The following ARHGAP9 variants were observed in gnomAD, a reference collection of about 807,000 sequenced individuals.
ARHGAP9 encodes Rho GTPase activating protein 9.
Under a neutral mutation model 87.3 loss-of-function variants are expected in ARHGAP9, and 76 were observed. The ratio of observed to expected loss-of-function variants is 0.87; its 90% CI spans 0.72 to 1.05. ARHGAP9 has a LOEUF of 1.05. Ranked by LOEUF, ARHGAP9 falls within the 50% of genes least tolerant of loss-of-function variation. ARHGAP9 has a pLI of 0.00. For missense variants in ARHGAP9, 941 were observed against 960.5 expected, an observed-to-expected ratio of 0.98 and a Z score of 0.27; for synonymous variants, 382 against 394.9, an observed-to-expected ratio of 0.97 and a Z score of 0.39.
Position 57,474,655 on chromosome 12 carries a change from A to G in ARHGAP9, c.1700T>C (p.Val567Ala). The G allele has an allele frequency of 6.2e-7, 1 of 1,614,146 alleles. No individual in the cohort carries two copies. Among genetic ancestry groups the G allele is most frequent in the South Asian group, 1.1e-5 (1 of 91,084 alleles). The change falls in exon 14 of 18, where the codon GTC becomes GCC. Residue 567 changes from valine (V) to alanine (A), a missense_variant. Transcript: ENST00000393791. ...GTCCACCAGAAAGCGAAGCTTCTGG[A>G]CCACTGCCAAGTTCCCGCTCACCCG... Reference protein sequence around the residue: ...IYRVSGNLAVVQKLRFLVDRE... With the variant: ...IYRVSGNLAVAQKLRFLVDRE...
chr12:57,488,784 T>A, exon 1 of ARHGAP9: 1 of 891,602 alleles, frequency 1.1e-6, no homozygotes. Flanking sequence ...TACCACCACC[T>A]CCTCTGCAGT....
At chr12:57,481,216 C>G (rs1349085186), upstream of ARHGAP9, among the ~76,000 whole-genome samples, 1 of 152,050 alleles carries the variant, frequency 6.6e-6, no homozygotes, top group African/African-American at 2.4e-5. Flanking sequence ...ACTGGGCTTT[C>G]CAGGTACCAC....
chr12:57,477,406 A>G, intron 4 of ARHGAP9, 53 bp downstream of exon 4: 1 of 1,586,986 alleles, frequency 6.3e-7, no homozygotes. Flanking sequence ...GAGGTTCATC[A>G]GGGGAAGGAA....
chr12:57,488,463 G>T (rs1875637329), intron 1 of ARHGAP9: 1 of 1,134,548 alleles, frequency 8.8e-7, no homozygotes, highest in Non-Finnish European at 1.3e-6. Context: ...CCAGTAAACT[G>T]CTCTTCCCTT....
chr12:57,487,850 C>CA (rs10715375), intron 1 of ARHGAP9: 10,491 of 176,120 alleles, frequency 0.06, 51 homozygotes, highest in African/African-American at 0.074. Flanking sequence ...CGCCCTCTCA[C>CA]AAAAAAAAAA....
chr12:57,478,457 T>A, intron 3 of ARHGAP9, 83 bp downstream of exon 3: 1 of 1,350,616 alleles, frequency 7.4e-7, no homozygotes, highest in South Asian at 1.2e-5. Flanking sequence ...GTGTTTGTCA[T>A]CCCCAGGGGA....
Position 57,479,161 on chromosome 12 carries a change from A to T in ARHGAP9, c.246T>A (p.Tyr82Ter), listed in dbSNP as rs201040339. The T allele has an allele frequency of 6.2e-7, 1 of 1,614,222 alleles. No individual in the cohort carries two copies. Among genetic ancestry groups the T allele is most frequent in the African/African-American group, 1.3e-5 (1 of 75,058 alleles). Residue 82 changes from tyrosine (Y) to a stop codon, truncating the protein, a stop_gained, in exon 2 of 18, where the codon TAT becomes TAA. Transcript: ENST00000393791. LOFTEE classifies it high-confidence loss of function. Reference protein sequence around the residue: ...TSRPIFVPAAYMIEESIPSQS... With the variant: ...TSRPIFVPAA ...GGGAAGGGATGGATTCCTCTATCAT[A>T]TAGGCTGCTGGGACGAAGATGGGTC...
chr12:57,478,967 A>T, intron 2 of ARHGAP9, 124 bp downstream of exon 2: 1 of 1,321,574 alleles, frequency 7.6e-7, no homozygotes, highest in Non-Finnish European at 1.0e-6. Context: ...TCAAAGAAAA[A>T]CAAGAGAAGA....
chr12:57,474,530 C>T (rs951282317), intron 14 of ARHGAP9, 54 bp from the exon 15 acceptor site: 60 of 1,613,244 alleles, frequency 3.7e-5, no homozygotes, highest in African/African-American at 2.8e-4. Flanking sequence ...TCCAGCCTGA[C>T]GGCCTCTCTA....
intron 17 of ARHGAP9, among the ~76,000 whole-genome samples, chr12:57,472,942 G>C (rs569935462): frequency 4.3e-4 from 66 of 152,306 alleles, no homozygotes; most frequent in Non-Finnish European, 8.1e-4. Flanking sequence ...CACAGTTTGG[G>C]AGTCTTTAAT....
intron 15 of ARHGAP9, 82 bp downstream of exon 15, chr12:57,474,341 G>A (rs926412804): frequency 5.0e-6 from 8 of 1,591,516 alleles, no homozygotes; most frequent in African/African-American, 4.0e-5. Context: ...ACCCTCCCAG[G>A]AATAGTACAT....
At chr12:57,488,470 C>G in intron 1 of ARHGAP9, 1 of 1,224,210 alleles carries the variant, frequency 8.2e-7, no homozygotes, top group Non-Finnish European at 1.2e-6. Flanking sequence ...ACTGCTCTTC[C>G]CTTCCCAACC....
chr12:57,477,461 T>C lies in ARHGAP9; in HGVS notation c.754A>G (p.Thr252Ala). 1 of 1,613,958 alleles carries C rather than the reference T, an allele frequency of 6.2e-7. No individual in the cohort carries two copies. Among genetic ancestry groups the C allele is most frequent in the East Asian group, 2.2e-5 (1 of 44,874 alleles). The change falls in exon 4 of 18, where the codon ACG (threonine) becomes GCG (alanine). Residue 252 changes from threonine (T) to alanine (A), a missense_variant and splice_region_variant. Physicochemically the swap from Thr to Ala is moderately conservative, Grantham distance 58. Coordinates refer to ENST00000393791, the MANE Select transcript of ARHGAP9 (RefSeq NM_032496.4). ...WKPPRRSRSETNPGSMEGTQT... is the reference protein window; with the variant it reads ...WKPPRRSRSEANPGSMEGTQT... ...AGAAGCAGGAGGTAAGGTCTCACCG[T>C]CTCGCTGCGACTGCGGCGCGGGGGC...
intron 3 of ARHGAP9, 55 bp downstream of exon 3, chr12:57,478,485 G>T: frequency 1.3e-6 from 2 of 1,537,438 alleles, no homozygotes; most frequent in Non-Finnish European, 1.8e-6. Flanking sequence ...GAAGACAGAG[G>T]TGCTGTCTGT....
At chr12:57,478,449 G>T in intron 3 of ARHGAP9, 91 bp downstream of exon 3, 3 of 1,278,012 alleles carry the variant, frequency 2.3e-6, no homozygotes, top group Admixed American at 2.0e-5. Flanking sequence ...TTGTTTTTGT[G>T]TTTGTCATCC....
chr12:57,484,898 G>C (rs1018088452), intron 1 of ARHGAP9, among the ~76,000 whole-genome samples: 3 of 151,756 alleles, frequency 2.0e-5, no homozygotes, highest in African/African-American at 7.3e-5. Context: ...CGCCTGCCTC[G>C]GCCTCCCAAA....
At chr12:57,487,677 C>T (rs530088375) in intron 1 of ARHGAP9, 27 of 179,000 alleles carry the variant, frequency 1.5e-4, no homozygotes, top group Admixed American at 3.6e-4. Context: ...GGTCAAAGCC[C>T]GCCTCTACTA....
At position 57,474,978 on chromosome 12, in the gene ARHGAP9, G is replaced by C. The variant is rs957390073; in HGVS notation, c.1553-5C>G. On this transcript the variant is annotated splice_region_variant and splice_polypyrimidine_tract_variant and intron_variant, in intron 12 of 17. Transcript: ENST00000393791. ...ACTGGCAGCCGAACACCTGGTCTGG[G>C]GAAGTAGAGTGAGGCGGGAAGCCAG... is the stretch of plus-strand genomic sequence containing the variant. 6.2e-7 allele frequency: 1 copy of C among 1,613,462 alleles called. No homozygotes were observed. Among genetic ancestry groups the C allele is most frequent in the African/African-American group, 1.3e-5 (1 of 74,928 alleles).
chr12:57,478,554 C>G lies in ARHGAP9; in HGVS notation c.520G>C (p.Ala174Pro). The G allele has an allele frequency of 6.2e-7, 1 of 1,614,088 alleles. No homozygotes were observed. The highest frequency in any genetic ancestry group is 8.5e-7 in the Non-Finnish European group (1 of 1,180,000). The change falls in exon 3 of 18, where the codon GCC (alanine) becomes CCC (proline). Residue 174 changes from alanine to proline, a missense_variant. Ala to Pro is a conservative substitution (Grantham distance 27, BLOSUM62 -1). Transcript: ENST00000393791. Reference sequence around the variant, plus strand: ...CTGTGACTCACTGTGCTGGCACTGGCTTCTGACGGCAAGTCTTCCTGGGAG... The same window carrying G: ...CTGTGACTCACTGTGCTGGCACTGGGTTCTGACGGCAAGTCTTCCTGGGAG... Reference protein sequence around the residue: ...SLSQEDLPSEASASTAGPQPL... With the variant: ...SLSQEDLPSEPSASTAGPQPL...
Sources: allele counts gnomAD v4.1 joint callset (sites outside exome capture counted in the v4.1 genomes callset), GRCh38; gene constraint gnomAD v4.1.1; transcripts MANE v1.5; gene names NCBI Gene and HGNC (gene_info 2026-07-23, HGNC 2026-07-21).